ZFAND3: variants seen among roughly 807,000 people sequenced by gnomAD.
ZFAND3 encodes the protein zinc finger AN1-type containing 3.
Under a neutral mutation model 29.6 loss-of-function variants are expected in ZFAND3, and 10 were observed. The observed-to-expected ratio is 0.34, with a 90% CI of 0.21 to 0.57. The LOEUF (loss-of-function observed/expected upper bound fraction) is 0.57, where lower values mean the gene tolerates loss of function less well. Among genes scored for constraint, ZFAND3 ranks in the 20% least tolerant of loss-of-function variants. The pLI is 0.86. For missense variants in ZFAND3, 230 were observed against 304.5 expected (o/e 0.76, Z 1.82); for synonymous variants, 128 against 112.6 (o/e 1.14, Z -0.87).
intron 2 of ZFAND3, among the ~76,000 whole-genome samples, chr6:37,997,637 G>C (rs1191192568): frequency 2.6e-5 from 4 of 152,186 alleles, no homozygotes; most frequent in Non-Finnish European, 5.9e-5. Context: ...CACTTCTGTG[G>C]TCCCTTGTGC....
intron 1 of ZFAND3, among the ~76,000 whole-genome samples, chr6:37,904,005 A>C (rs1204619089): frequency 6.6e-6 from 1 of 152,218 alleles, no homozygotes; most frequent in Non-Finnish European, 1.5e-5. Flanking sequence ...GCTTTTCTGG[A>C]ATGCCAAATT....
chr6:37,913,963 G>T (rs1761180114), intron 1 of ZFAND3, among the ~76,000 whole-genome samples: 1 of 151,996 alleles, frequency 6.6e-6, no homozygotes, highest in East Asian at 1.9e-4. Context: ...GACCTCAGGT[G>T]TTCTGCTCAC....
At chr6:38,003,596 T>C (rs1407108367) in intron 2 of ZFAND3, 2 of 265,674 alleles carry the variant, frequency 7.5e-6, no homozygotes, top group Non-Finnish European at 1.5e-5. Flanking sequence ...CCTCTTGGGC[T>C]CTAGCAATCC....
intron 2 of ZFAND3, among the ~76,000 whole-genome samples, chr6:37,955,331 A>G (rs1762069265): frequency 6.6e-6 from 1 of 152,204 alleles, no homozygotes. Flanking sequence ...TTAGTAGGAA[A>G]GCTAAAAGAT....
At chr6:37,851,030 T>A (rs550809700) in intron 1 of ZFAND3, among the ~76,000 whole-genome samples, 113 of 151,536 alleles carry the variant, frequency 7.5e-4, no homozygotes, top group African/African-American at 2.6e-3. Flanking sequence ...TGCTTCCTGC[T>A]TGGCCTCTTG....
intron 1 of ZFAND3, among the ~76,000 whole-genome samples, chr6:37,901,464 T>C (rs1465690251): frequency 6.6e-6 from 1 of 151,948 alleles, no homozygotes; most frequent in Non-Finnish European, 1.5e-5. Flanking sequence ...ATACAAAAAT[T>C]AGCGAGACGT....
intron 3 of ZFAND3, among the ~76,000 whole-genome samples, chr6:38,068,140 C>G (rs1764381644): frequency 6.6e-6 from 1 of 152,158 alleles, no homozygotes; most frequent in Non-Finnish European, 1.5e-5. Flanking sequence ...TAAACAGCAA[C>G]CAGCTCTTAC....
intron 2 of ZFAND3, among the ~76,000 whole-genome samples, chr6:38,005,844 C>G (rs972546996): frequency 1.3e-5 from 2 of 152,182 alleles, no homozygotes; most frequent in Non-Finnish European, 2.9e-5. Context: ...TCAATGTACA[C>G]TAAACTAGAT....
At chr6:37,881,563 T>A (rs1764895336) in intron 1 of ZFAND3, among the ~76,000 whole-genome samples, 1 of 152,186 alleles carries the variant, frequency 6.6e-6, no homozygotes, top group Admixed American at 6.5e-5. Context: ...CTTTAATCTC[T>A]CCACAGGTTC....
intron 2 of ZFAND3, among the ~76,000 whole-genome samples, chr6:37,950,318 A>G (rs887660680): frequency 2.7e-5 from 4 of 149,834 alleles, no homozygotes; most frequent in Admixed American, 1.3e-4. Flanking sequence ...CTTCTAGCCA[A>G]TTATTCCAGT....
intron 2 of ZFAND3, among the ~76,000 whole-genome samples, chr6:37,997,546 G>A (rs1762872221): frequency 6.6e-6 from 1 of 152,182 alleles, no homozygotes; most frequent in South Asian, 2.1e-4. Flanking sequence ...AGAGCCCCAA[G>A]CTAGTTTCTA....
intron 1 of ZFAND3, among the ~76,000 whole-genome samples, chr6:37,837,653 C>T (rs1290983182): frequency 1.3e-5 from 2 of 151,920 alleles, no homozygotes; most frequent in African/African-American, 2.4e-5. Context: ...TACAGGCATG[C>T]GCCACCACAC....
intron 1 of ZFAND3, among the ~76,000 whole-genome samples, chr6:37,851,336 C>T (rs1452121009): frequency 2.0e-5 from 3 of 151,932 alleles, no homozygotes; most frequent in Admixed American, 2.0e-4. Context: ...CCAGTTTTTT[C>T]CCACTCTATT....
At chr6:37,897,577 G>A (rs1265165238) in intron 1 of ZFAND3, among the ~76,000 whole-genome samples, 1 of 152,198 alleles carries the variant, frequency 6.6e-6, no homozygotes, top group Admixed American at 6.5e-5. Context: ...AGCTTTTGCG[G>A]TAGTGGCTAT....
intron 1 of ZFAND3, among the ~76,000 whole-genome samples, chr6:37,905,863 A>T (rs899709157): frequency 6.6e-6 from 1 of 152,132 alleles, no homozygotes; most frequent in East Asian, 1.9e-4. Flanking sequence ...TTGCTAGCAT[A>T]CATCTTGTTT....
At chr6:37,907,669 T>C (rs932247511) in intron 1 of ZFAND3, among the ~76,000 whole-genome samples, 5 of 151,910 alleles carry the variant, frequency 3.3e-5, no homozygotes, top group African/African-American at 7.2e-5. Context: ...TTGACTATTA[T>C]GCATAATGAA....
chr6:38,048,455 A>C (rs1462258823), intron 2 of ZFAND3, among the ~76,000 whole-genome samples: 2 of 151,600 alleles, frequency 1.3e-5, no homozygotes, highest in Non-Finnish European at 2.9e-5. Flanking sequence ...CCCCGTCTCT[A>C]CTAAAAATAC....
At chr6:38,122,794 T>C (rs1424387772) in intron 5 of ZFAND3, among the ~76,000 whole-genome samples, 1 of 152,234 alleles carries the variant, frequency 6.6e-6, no homozygotes, top group East Asian at 1.9e-4. Context: ...AAGCCTATGT[T>C]ATAGTGATAT....
chr6:37,820,139 C>G, intron 1 of ZFAND3, 123 bp downstream of exon 1: 4 of 55,444 alleles, frequency 7.2e-5, no homozygotes, highest in Non-Finnish European at 1.3e-4. Context: ...CCCGGGCCTA[C>G]GGGGAGGGGG....
Sources: gnomAD v4.1 joint callset for allele counts (sites outside exome capture counted in the v4.1 genomes callset) on GRCh38, gnomAD v4.1.1 for gene constraint, MANE v1.5 for transcripts, NCBI Gene and HGNC (gene_info 2026-07-23, HGNC 2026-07-21) for gene names.